FER: variants seen among roughly 807,000 people sequenced by gnomAD.
The protein encoded by FER is FER tyrosine kinase.
A neutral mutation model predicts 111.0 loss-of-function variants in FER; 63 were observed. The observed-to-expected ratio is 0.57, with a 90% CI of 0.46 to 0.70. FER has a LOEUF of 0.70. Among genes scored for constraint, FER ranks in the 30% least tolerant of loss-of-function variants. FER has a pLI of 0.00. For synonymous variants in FER, 327 were observed against 313.9 expected (o/e 1.04, Z -0.44); for missense variants, 914 against 954.0 (o/e 0.96, Z 0.55).
At chr5:108,874,332 GA>G (rs1170429374) in intron 8 of FER, among the ~76,000 whole-genome samples, 2 of 152,068 alleles carry the variant, frequency 1.3e-5, no homozygotes, top group Admixed American at 1.3e-4. Flanking sequence ...TAATTATAGT[GA>G]TGAAGCAGTA....
chr5:108,867,915 C>G lies in FER; in HGVS notation c.630C>G (p.Ser210=), dbSNP rs746023610. The part of the protein sequence containing the change: ...YDITLPLLLD[S]LQKMQEEMIK... ...TCACACTTCCCCTGCTTCTGGACTCCTTACAAAAGATGCAAGAAGAAATGA... is the reference window on the plus strand; with the variant it reads ...TCACACTTCCCCTGCTTCTGGACTCGTTACAAAAGATGCAAGAAGAAATGA... The change falls in exon 6 of 20, where the codon TCC becomes TCG. Residue 210 remains serine, a synonymous_variant. Transcript: ENST00000281092. The G allele has an allele frequency of 6.2e-7, 1 of 1,609,796 alleles. No individual in the cohort carries two copies. The highest frequency in any genetic ancestry group is 1.1e-5 in the South Asian group (1 of 90,194).
intron 13 of FER, among the ~76,000 whole-genome samples, chr5:108,984,417 T>C (rs183283774): frequency 6.6e-6 from 1 of 152,240 alleles, no homozygotes; most frequent in East Asian, 1.9e-4. Flanking sequence ...AGTTTAAATA[T>C]CCTTAGGGAA....
At chr5:108,857,507 T>C (rs1763115892) in intron 5 of FER, among the ~76,000 whole-genome samples, 1 of 152,118 alleles carries the variant, frequency 6.6e-6, no homozygotes, top group South Asian at 2.1e-4. Flanking sequence ...TCATTTTTCT[T>C]TTTGTTAATA....
intron 5 of FER, among the ~76,000 whole-genome samples, chr5:108,836,654 C>T (rs1028527308): frequency 2.0e-5 from 3 of 152,128 alleles, no homozygotes; most frequent in South Asian, 2.1e-4. Context: ...TAAACATTCT[C>T]GTTATTTTGT....
At chr5:108,999,358 C>T (rs1277371964) in intron 13 of FER, among the ~76,000 whole-genome samples, 1 of 152,152 alleles carries the variant, frequency 6.6e-6, no homozygotes, top group East Asian at 1.9e-4. Context: ...GATAGTGTGG[C>T]TCTGGTTCAT....
chr5:109,108,878 G>C (rs1011112440), intron 17 of FER, among the ~76,000 whole-genome samples: 6 of 152,114 alleles, frequency 3.9e-5, no homozygotes, highest in African/African-American at 1.4e-4. Flanking sequence ...GAGAACTCTA[G>C]CTGGACATTG....
chr5:108,814,541 A>G (rs1260991290), intron 3 of FER, among the ~76,000 whole-genome samples: 1 of 152,226 alleles, frequency 6.6e-6, no homozygotes, highest in Non-Finnish European at 1.5e-5. Context: ...TTTCTTAATT[A>G]CTATATTTTG....
Position 108,774,974 on chromosome 5 carries a change from A to G in FER, c.-60+6736A>G, listed in dbSNP as rs375122719. Among the ~76,000 whole-genome samples, 54 of 152,040 alleles carry G rather than the reference A, an allele frequency of 3.6e-4. 1 individual carries two copies. In the South Asian group the frequency reaches 9.8e-3, roughly 28 times the overall value. On this transcript the variant is annotated intron_variant, in intron 2 of 19. Coordinates refer to ENST00000281092, the MANE Select transcript of FER (RefSeq NM_005246.4). ...CATCATGAAGTCTTTGCTCATGCCT[A>G]TGTCCTGAATGATTTTGTCTAGGTT...
intron 6 of FER, among the ~76,000 whole-genome samples, chr5:108,870,540 G>GT (rs923263940): frequency 6.6e-6 from 1 of 151,976 alleles, no homozygotes; most frequent in Non-Finnish European, 1.5e-5. Context: ...TTAAATCTCA[G>GT]TTTTTTTACC....
At chr5:109,097,600 A>G (rs1281886018) in intron 16 of FER, among the ~76,000 whole-genome samples, 1 of 151,974 alleles carries the variant, frequency 6.6e-6, no homozygotes, top group Non-Finnish European at 1.5e-5. Flanking sequence ...TGAAAAGGAC[A>G]GGCTCTGCCT....
intron 16 of FER, among the ~76,000 whole-genome samples, chr5:109,072,659 A>G (rs1402186220): frequency 2.0e-5 from 3 of 152,000 alleles, no homozygotes; most frequent in South Asian, 4.1e-4. Context: ...AGGAAATATA[A>G]GGTCTATAAT....
intron 17 of FER, among the ~76,000 whole-genome samples, chr5:109,180,495 C>G (rs1317762711): frequency 6.6e-6 from 1 of 152,048 alleles, no homozygotes; most frequent in African/African-American, 2.4e-5. Flanking sequence ...AAGCTAGAAT[C>G]GGTGTTTTTC....
Position 108,798,197 on chromosome 5 carries a change from T to C in FER, c.15T>C (p.Ser5=). 1 of 1,613,934 alleles carries C rather than the reference T, an allele frequency of 6.2e-7. No homozygotes were observed. Among genetic ancestry groups the C allele is most frequent in the Non-Finnish European group, 8.5e-7 (1 of 1,179,982 alleles). The change falls in exon 3 of 20, where the codon AGT becomes AGC. Residue 5 remains serine (S), a synonymous_variant. Transcript: ENST00000281092. Reference sequence around the variant, plus strand: ...TGCCTTACAAAATGGGGTTTGGGAGTGACCTGAAGAATTCACATGAAGCAG... The same window carrying C: ...TGCCTTACAAAATGGGGTTTGGGAGCGACCTGAAGAATTCACATGAAGCAG... MGFG[S]DLKNSHEAVL... is the part of the protein sequence containing the mutation.
intron 12 of FER, among the ~76,000 whole-genome samples, chr5:108,956,060 C>T (rs761842129): frequency 4.6e-5 from 7 of 151,756 alleles, no homozygotes; most frequent in Admixed American, 2.6e-4. Context: ...TCACACTATT[C>T]GTTAATTTTT....
rs553578597 is a variant in FER at position 108,988,754 on chromosome 5, TTTG to T, written c.1656+29417_1656+29419del. Among the ~76,000 whole-genome samples, 483 of 152,256 alleles carry T rather than the reference TTTG, an allele frequency of 3.2e-3. 1 individual carries two copies. The highest frequency in any genetic ancestry group is 0.011 in the African/African-American group (455 of 41,570). On this transcript the variant is annotated intron_variant, in intron 13 of 19. Coordinates refer to ENST00000281092, the MANE Select transcript of FER (RefSeq NM_005246.4). ...GAACCAGCTTTTTGCTTCATTTATC[TTTG>T]TTGTTGTTGGTTTTGGTGTTATTTG... is the stretch of plus-strand genomic sequence containing the variant.
At chr5:109,003,734 CT>C (rs1765130776) in intron 13 of FER, among the ~76,000 whole-genome samples, 2 of 152,028 alleles carry the variant, frequency 1.3e-5, no homozygotes, top group South Asian at 4.1e-4. Context: ...AATCCCAGCA[CT>C]TTGGGAGCTA....
rs140515513 is a variant in FER at position 109,143,698 on chromosome 5, TTTTTGTTTTG to T, written c.2049-37034_2049-37025del. On this transcript the variant is annotated intron_variant, in intron 17 of 19. Coordinates refer to ENST00000281092, the MANE Select transcript of FER (RefSeq NM_005246.4). ...GTTTATTTTTTGTCTTCCACCAATC[TTTTTGTTTTG>T]TTTTGTTTTGTTTTTTTTTGAAAGT... 2.3e-4 allele frequency among the ~76,000 whole-genome samples: 20 copies of T among 87,774 alleles called. 1 individual carries two copies. In the South Asian group the frequency reaches 6.9e-3, roughly 30 times the overall value. The allele number at this position is 87,774 out of a possible 152,430, so 57.6% of individuals were successfully genotyped here.
intron 16 of FER, among the ~76,000 whole-genome samples, chr5:109,090,032 G>A (rs1006286214): frequency 1.3e-5 from 2 of 152,168 alleles, no homozygotes; most frequent in African/African-American, 2.4e-5. Context: ...TGAGTGGAGT[G>A]TGCATCCAGT....
intron 5 of FER, among the ~76,000 whole-genome samples, chr5:108,845,915 A>C (rs1392713014): frequency 6.6e-6 from 1 of 152,202 alleles, no homozygotes; most frequent in African/African-American, 2.4e-5. Context: ...TGATTTTCAC[A>C]TTTCAAATAT....
Sources: allele counts gnomAD v4.1 joint callset (sites outside exome capture counted in the v4.1 genomes callset), GRCh38; gene constraint gnomAD v4.1.1; transcripts MANE v1.5; gene names NCBI Gene and HGNC (gene_info 2026-07-23, HGNC 2026-07-21).